SCN11A: variants seen among roughly 807,000 people sequenced by gnomAD.
SCN11A encodes the protein sodium channel protein type 11 subunit alpha.
Under a neutral mutation model 162.2 loss-of-function variants are expected in SCN11A, and 122 were observed. That is an observed-to-expected ratio of 0.75 (90% CI 0.65 to 0.87). The LOEUF is 0.87. Among genes scored for constraint, SCN11A ranks in the 40% least tolerant of loss-of-function variants. SCN11A has a pLI of 0.00. For missense variants in SCN11A, 2,015 were observed against 2,181.6 expected, an observed-to-expected ratio of 0.92 and a Z score of 1.52; for synonymous variants, 758 against 751.5, an observed-to-expected ratio of 1.01 and a Z score of -0.14.
intron 19 of SCN11A, among the ~76,000 whole-genome samples, chr3:38,890,257 G>A (rs2065477707): frequency 6.6e-6 from 1 of 152,150 alleles, no homozygotes; most frequent in Non-Finnish European, 1.5e-5. Flanking sequence ...CTGCCCAAGT[G>A]CCTGGAATTG....
chr3:39,029,418 T>C (rs2031687089), intron 2 of SCN11A, among the ~76,000 whole-genome samples: 3 of 152,260 alleles, frequency 2.0e-5, no homozygotes, highest in African/African-American at 7.2e-5. Flanking sequence ...TTTTTTCCTA[T>C]TGTGCTTTTG....
At position 38,886,130 on chromosome 3, in the gene SCN11A, G is replaced by A. The variant is rs145290679; in HGVS notation, c.2944C>T (p.Arg982Ter). Reference protein sequence around the residue: ...DEPHLTIQDPRKKSDVTSILS... With the variant: ...DEPHLTIQDP ...CAACATCCTAGGAAAATTACCTTTC[G>A]GGGATCCTGTATGGTCAGATGAGGC... Residue 982 changes from arginine (R) to a stop codon, truncating the protein, a stop_gained, in exon 20 of 30, where the codon CGA becomes TGA. Coordinates refer to ENST00000302328, the MANE Select transcript of SCN11A (RefSeq NM_001349253.2). LOFTEE classifies it high-confidence loss of function. 1.4e-5 allele frequency: 23 copies of A among 1,604,484 alleles called. No individual in the cohort carries two copies. The highest frequency in any genetic ancestry group is 1.7e-5 in the Non-Finnish European group (20 of 1,172,678).
intron 2 of SCN11A, among the ~76,000 whole-genome samples, chr3:38,989,714 T>TA (rs532435049): frequency 6.9e-4 from 105 of 152,192 alleles, no homozygotes; most frequent in Non-Finnish European, 5.7e-4. Context: ...TTTTCCTCTG[T>TA]AAAATGGGAA....
intron 7 of SCN11A, among the ~76,000 whole-genome samples, chr3:38,929,752 T>G (rs533014773): frequency 4.6e-5 from 7 of 152,252 alleles, no homozygotes; most frequent in African/African-American, 1.7e-4. Flanking sequence ...TGTGATGTAT[T>G]AATGCCAATA....
At chr3:38,944,826 G>T (rs1042160355) in intron 7 of SCN11A, among the ~76,000 whole-genome samples, 1 of 151,922 alleles carries the variant, frequency 6.6e-6, no homozygotes, top group Non-Finnish European at 1.5e-5. Flanking sequence ...GGCTGGGCAC[G>T]GTGGCAGGCG....
At chr3:39,029,546 C>T (rs796660058) in intron 2 of SCN11A, among the ~76,000 whole-genome samples, 4 of 152,168 alleles carry the variant, frequency 2.6e-5, no homozygotes, top group Admixed American at 6.5e-5. Flanking sequence ...GCAGGGGAAC[C>T]CATGAAGAGA....
chr3:38,914,885 T>G (rs1334321223), intron 11 of SCN11A, among the ~76,000 whole-genome samples: 1 of 152,194 alleles, frequency 6.6e-6, no homozygotes, highest in Non-Finnish European at 1.5e-5. Context: ...TTTGCAAGTA[T>G]TTTGTTGAGG....
At chr3:38,928,861 A>G in intron 7 of SCN11A, among the ~76,000 whole-genome samples, 1 of 152,184 alleles carries the variant, frequency 6.6e-6, no homozygotes, top group East Asian at 1.9e-4. Flanking sequence ...TGCAATCCCT[A>G]TGGAAAACAG....
chr3:38,973,564 G>A (rs2066830336), intron 2 of SCN11A, among the ~76,000 whole-genome samples: 7 of 152,128 alleles, frequency 4.6e-5, no homozygotes, highest in Admixed American at 4.6e-4. Flanking sequence ...TAGATACCTT[G>A]AATAATTCTT....
At chr3:38,882,994 C>T (rs537193387) in intron 22 of SCN11A, among the ~76,000 whole-genome samples, 26 of 152,288 alleles carry the variant, frequency 1.7e-4, no homozygotes, top group African/African-American at 6.3e-4. Flanking sequence ...CTAGTGGCCA[C>T]TTTAAAGTGC....
At chr3:38,916,481 A>C (rs1236154406) in intron 11 of SCN11A, among the ~76,000 whole-genome samples, 1 of 152,184 alleles carries the variant, frequency 6.6e-6, no homozygotes, top group African/African-American at 2.4e-5. Context: ...CAGAAACCAT[A>C]GTGGCTTTTA....
chr3:38,971,485 C>T (rs1463640719), intron 2 of SCN11A, among the ~76,000 whole-genome samples: 1 of 152,168 alleles, frequency 6.6e-6, no homozygotes, highest in Non-Finnish European at 1.5e-5. Context: ...CCTCTCTGTC[C>T]TCATCTCCCC....
chr3:38,915,795 G>A (rs943588477), intron 11 of SCN11A, among the ~76,000 whole-genome samples: 1 of 152,104 alleles, frequency 6.6e-6, no homozygotes, highest in Non-Finnish European at 1.5e-5. Context: ...GGGGTGGAGA[G>A]TTCTGTAGAG....
At chr3:38,927,150 C>T (rs2125554500) in intron 7 of SCN11A, among the ~76,000 whole-genome samples, 1 of 152,294 alleles carries the variant, frequency 6.6e-6, no homozygotes, top group South Asian at 2.1e-4. Flanking sequence ...TGTGAAGCTG[C>T]ATTTCAAGGC....
chr3:38,947,462 AGCAGGGGAGGTGG>A (rs2066535302), intron 5 of SCN11A, among the ~76,000 whole-genome samples: 1 of 152,326 alleles, frequency 6.6e-6, no homozygotes, highest in South Asian at 2.1e-4. Flanking sequence ...GTTCTTAACC[AGCAGGGGAGGTGG>A]GCATTGCCCC....
At chr3:38,879,201 T>A (rs2065268967) in intron 23 of SCN11A, among the ~76,000 whole-genome samples, 1 of 152,186 alleles carries the variant, frequency 6.6e-6, no homozygotes, top group African/African-American at 2.4e-5. Flanking sequence ...TTACTTTCTT[T>A]CTCTGAATAT....
At position 39,049,853 on chromosome 3, in the gene SCN11A, C is replaced by A. The variant is rs573182043; in HGVS notation, c.-404+2008G>T. ...CTTCACAAACTGGCCAAAAAATTAT[C>A]CTCTGACCCTGAATTGACCATTTCT... On this transcript the variant is annotated intron_variant, in intron 1 of 29. Coordinates refer to ENST00000302328, the MANE Select transcript of SCN11A (RefSeq NM_001349253.2). 3.9e-5 allele frequency among the ~76,000 whole-genome samples: 6 copies of A among 152,316 alleles called. No individual in the cohort carries two copies. In the East Asian group the frequency reaches 1.2e-3, roughly 29 times the overall value.
chr3:39,040,379 A>T (rs2032020397), intron 1 of SCN11A, among the ~76,000 whole-genome samples: 1 of 152,232 alleles, frequency 6.6e-6, no homozygotes, highest in African/African-American at 2.4e-5. Flanking sequence ...ACAGGAAAAA[A>T]GTCTTTCCCA....
intron 7 of SCN11A, among the ~76,000 whole-genome samples, chr3:38,933,132 A>G (rs1476410150): frequency 6.6e-6 from 1 of 152,256 alleles, no homozygotes; most frequent in Admixed American, 6.5e-5. Context: ...GTGGACCTCT[A>G]GCAAACTCCA....
Sources: gnomAD v4.1 joint callset for allele counts (sites outside exome capture counted in the v4.1 genomes callset) on GRCh38, gnomAD v4.1.1 for gene constraint, MANE v1.5 for transcripts, NCBI Gene and HGNC (gene_info 2026-07-23, HGNC 2026-07-21) for gene names.